The following ZNF652 variants were observed in gnomAD, a reference collection of about 807,000 sequenced individuals.
ZNF652 encodes zinc finger protein 652.
Under a neutral mutation model 45.2 loss-of-function variants are expected in ZNF652, and 16 were observed. The ratio of observed to expected loss-of-function variants is 0.35; its 90% confidence interval spans 0.24 to 0.54. The LOEUF is 0.54. ZNF652 is among the 20% of genes least tolerant of loss of function. The probability of loss-of-function intolerance (pLI) is 0.91; values close to 1 mark genes in which losing one functional copy is unlikely to be tolerated. For synonymous variants in ZNF652, 250 were observed against 260.6 expected (o/e 0.96, Z 0.39); for missense variants, 614 against 765.6 (o/e 0.80, Z 2.34).
intron 5 of ZNF652, among the ~76,000 whole-genome samples, chr17:49,300,203 C>T (rs2069533298): frequency 1.3e-5 from 2 of 152,188 alleles, no homozygotes; most frequent in Non-Finnish European, 2.9e-5. Context: ...GACAATTCCT[C>T]ATTATGTGGG....
chr17:49,303,356 T>C (rs1436620892), intron 5 of ZNF652, among the ~76,000 whole-genome samples: 1 of 149,248 alleles, frequency 6.7e-6, no homozygotes, highest in Non-Finnish European at 1.5e-5. Flanking sequence ...TTCTCCTGCC[T>C]CAGCCTCCCA....
intron 1 of ZNF652, among the ~76,000 whole-genome samples, chr17:49,326,385 A>G (rs1232546393): frequency 6.6e-6 from 1 of 152,194 alleles, no homozygotes; most frequent in Non-Finnish European, 1.5e-5. Flanking sequence ...TTGGGCTAAG[A>G]GAGACTGTCA....
At position 49,342,481 on chromosome 17, in the gene ZNF652, G is replaced by A. The variant is rs570216023; in HGVS notation, c.-259+19428C>T. Reference sequence around the variant, plus strand: ...GTAACCTAGTTTCATTTTGAGTATAGTGTTTGTTGCCCTCAAGGGATCTGC... The same window carrying A: ...GTAACCTAGTTTCATTTTGAGTATAATGTTTGTTGCCCTCAAGGGATCTGC... On this transcript the variant is annotated intron_variant, in intron 1 of 5. Transcript: ENST00000430262. 1.1e-4 allele frequency among the ~76,000 whole-genome samples: 15 copies of A among 141,348 alleles called. No homozygotes were observed. In the South Asian group the frequency reaches 3.5e-3, roughly 33 times the overall value. The allele number at this position is 141,348 out of a possible 152,430, so 92.7% of individuals were successfully genotyped here.
intron 1 of ZNF652, among the ~76,000 whole-genome samples, chr17:49,341,541 A>G (rs1290436548): frequency 2.0e-5 from 3 of 150,478 alleles, no homozygotes; most frequent in Non-Finnish European, 1.5e-5. Flanking sequence ...GTGCATGCCA[A>G]TAGTCCCAGC....
intron 1 of ZNF652, among the ~76,000 whole-genome samples, chr17:49,345,375 G>C (rs2070194187): frequency 6.6e-6 from 1 of 151,030 alleles, no homozygotes; most frequent in Non-Finnish European, 1.5e-5. Flanking sequence ...GCTAATTTTT[G>C]TATTTTTAGT....
rs1327540139 is a variant in ZNF652 at position 49,289,213 on chromosome 17, GCTTT to G, written c.*9196_*9199del. 2 of 134,992 alleles carry G rather than the reference GCTTT, an allele frequency of 1.5e-5. No homozygotes were observed. The highest frequency in any genetic ancestry group is 5.5e-5 in the African/African-American group (2 of 36,634). 8.4% of individuals were successfully genotyped at this position (134,992 alleles called of 1,614,324 possible). Reference sequence around the variant, plus strand: ...AGAAAGACACACAGGGGATATGGCTGCTTTTTTTTTTTTTTTTTACTTTGAACAT... The same window carrying G: ...AGAAAGACACACAGGGGATATGGCTGTTTTTTTTTTTTTTACTTTGAACAT... On this transcript the variant is annotated 3_prime_UTR_variant, in exon 6 of 6. Coordinates refer to ENST00000430262, the MANE Select transcript of ZNF652 (RefSeq NM_001145365.3).
chr17:49,311,912 T>C lies in ZNF652; in HGVS notation c.1164+15A>G. The C allele has an allele frequency of 6.2e-7, 1 of 1,604,110 alleles. No individual in the cohort carries two copies. Among genetic ancestry groups the C allele is most frequent in the South Asian group, 1.1e-5 (1 of 90,768 alleles). On this transcript the variant is annotated intron_variant, in intron 4 of 5. Coordinates refer to ENST00000430262, the MANE Select transcript of ZNF652 (RefSeq NM_001145365.3). ...TAGCCCCTAGGCCTGGGCCTGTAGG[T>C]AGCACATTCCTTACCTCGCATCTAA... is the stretch of plus-strand genomic sequence containing the variant.
At chr17:49,306,802 G>A (rs2069635341) in intron 5 of ZNF652, among the ~76,000 whole-genome samples, 1 of 152,136 alleles carries the variant, frequency 6.6e-6, no homozygotes, top group African/African-American at 2.4e-5. Context: ...CCCCAGGCTG[G>A]AATGCAGTGG....
rs1311056567 is a variant in ZNF652 at position 49,298,188 on chromosome 17, T to C, written c.*225A>G. ...AAAGTCATCAGAAAATGCAAGCAAA[T>C]TGGGCTTTAGTTCAGTGGTTCCCCT... On this transcript the variant is annotated 3_prime_UTR_variant, in exon 6 of 6. Transcript: ENST00000430262. 5 of 549,056 alleles carry C rather than the reference T, an allele frequency of 9.1e-6. No homozygotes were observed. The highest frequency in any genetic ancestry group is 3.2e-5 in the East Asian group (1 of 31,482). The allele number at this position is 549,056 out of a possible 1,614,324, so 34.0% of individuals were successfully genotyped here.
At chr17:49,345,420 G>A (rs2070194716) in intron 1 of ZNF652, among the ~76,000 whole-genome samples, 1 of 151,046 alleles carries the variant, frequency 6.6e-6, no homozygotes, top group South Asian at 2.1e-4. Flanking sequence ...CCAGCTAGTC[G>A]AGAAATCCTG....
Position 49,295,802 on chromosome 17 carries a change from C to G in ZNF652, c.*2611G>C, listed in dbSNP as rs1426343419. On this transcript the variant is annotated 3_prime_UTR_variant, in exon 6 of 6. Coordinates refer to ENST00000430262, the MANE Select transcript of ZNF652 (RefSeq NM_001145365.3). ...AAAATACAAAACTTAGCCGGGCGTG[C>G]TGGCGCATGCCTGTAATTCCAGCTA... The G allele has an allele frequency of 2.6e-5, 4 of 151,806 alleles. No individual in the cohort carries two copies. The highest frequency in any genetic ancestry group is 9.7e-5 in the African/African-American group (4 of 41,346). The allele number at this position is 151,806 out of a possible 1,614,324, so 9.4% of individuals were successfully genotyped here.
intron 5 of ZNF652, among the ~76,000 whole-genome samples, chr17:49,308,028 T>G (rs1335094630): frequency 2.0e-5 from 3 of 152,160 alleles, no homozygotes; most frequent in Admixed American, 6.5e-5. Flanking sequence ...ATGCAAAGTA[T>G]TGGTCTATAT....
At chr17:49,339,118 G>A (rs1768609067) in intron 1 of ZNF652, among the ~76,000 whole-genome samples, 1 of 151,860 alleles carries the variant, frequency 6.6e-6, no homozygotes, top group African/African-American at 2.4e-5. Flanking sequence ...CTAGTTAAAA[G>A]TGTGATCAGG....
chr17:49,355,246 T>C (rs1353102924), intron 1 of ZNF652, among the ~76,000 whole-genome samples: 1 of 152,122 alleles, frequency 6.6e-6, no homozygotes, highest in Admixed American at 6.6e-5. Flanking sequence ...TAATAATTAA[T>C]TCACGAGGGA....
chr17:49,337,763 G>T (rs1458878609), intron 1 of ZNF652, among the ~76,000 whole-genome samples: 1 of 152,012 alleles, frequency 6.6e-6, no homozygotes, highest in African/African-American at 2.4e-5. Flanking sequence ...AAGTTTATAG[G>T]TCTCATGGGT....
At chr17:49,332,849 A>C (rs1192778770) in intron 1 of ZNF652, among the ~76,000 whole-genome samples, 1 of 151,512 alleles carries the variant, frequency 6.6e-6, no homozygotes, top group Non-Finnish European at 1.5e-5. Flanking sequence ...TCTTCTCCCT[A>C]CCCCCTTTTC....
At chr17:49,328,727 T>C (rs930029914) in intron 1 of ZNF652, among the ~76,000 whole-genome samples, 1 of 152,206 alleles carries the variant, frequency 6.6e-6, no homozygotes, top group Non-Finnish European at 1.5e-5. Context: ...GGTGCCAGGC[T>C]TGTACAGCCT....
intron 1 of ZNF652, among the ~76,000 whole-genome samples, chr17:49,357,596 G>A (rs1349752661): frequency 1.3e-5 from 2 of 152,116 alleles, no homozygotes. Flanking sequence ...TAAACAAACA[G>A]ATAACTAAAA....
intron 1 of ZNF652, among the ~76,000 whole-genome samples, chr17:49,326,606 G>C (rs1264389036): frequency 6.6e-6 from 1 of 152,122 alleles, no homozygotes. Flanking sequence ...ACTCCTCAGG[G>C]GCAAAATCAA....
Sources: allele counts gnomAD v4.1 joint callset (sites outside exome capture counted in the v4.1 genomes callset), GRCh38; gene constraint gnomAD v4.1.1; transcripts MANE v1.5; gene names NCBI Gene and HGNC (gene_info 2026-07-23, HGNC 2026-07-21).